The following LPA variants were observed in gnomAD, a reference collection of about 807,000 sequenced individuals.
LPA encodes the protein lipoprotein(a), also known as apolipoprotein(a).
In LPA, 199 loss-of-function variants were observed where a neutral mutation model predicts 197.9. The observed-to-expected ratio is 1.01, with a 90% confidence interval of 0.90 to 1.13. LPA has a LOEUF of 1.13. LPA is among the 50% of genes most tolerant of loss of function. The probability of loss-of-function intolerance (pLI) is 0.00; values close to 1 mark genes in which losing one functional copy is unlikely to be tolerated. For synonymous variants in LPA, 715 were observed against 639.5 expected (o/e 1.12, Z -1.78); for missense variants, 1,853 against 1,785.8 (o/e 1.04, Z -0.68).
chr6:160,537,783 A>C, intron 37 of LPA, 72 bp downstream of exon 37: 2 of 1,407,100 alleles, frequency 1.4e-6, no homozygotes, highest in South Asian at 2.4e-5. Context: ...AACTATCTCC[A>C]AAATGCTCAT....
At chr6:160,650,181 A>G (rs1779977244) in intron 2 of LPA, among the ~76,000 whole-genome samples, 157 bp downstream of exon 2, 1 of 152,186 alleles carries the variant, frequency 6.6e-6, no homozygotes, top group African/African-American at 2.4e-5. Context: ...TTTCTCTTCT[A>G]TCATACTCTT....
At chr6:160,606,416 A>T in intron 17 of LPA, 61 bp downstream of exon 17, 1 of 1,591,488 alleles carries the variant, frequency 6.3e-7, no homozygotes, top group Non-Finnish European at 8.6e-7. Context: ...ATCAGTGGGA[A>T]TTTCCATGGC....
At chr6:160,562,310 C>G (rs1047153188) in intron 28 of LPA, among the ~76,000 whole-genome samples, 3 of 152,110 alleles carry the variant, frequency 2.0e-5, no homozygotes, top group African/African-American at 7.2e-5. Context: ...GCCTTTTCTG[C>G]GTCTATTGCG....
At chr6:160,533,826 T>C (rs1264376219) in intron 37 of LPA, among the ~76,000 whole-genome samples, 1 of 152,248 alleles carries the variant, frequency 6.6e-6, no homozygotes, top group Admixed American at 6.5e-5. Context: ...GTTGTAGTTC[T>C]TCTTTTGTGA....
intron 16 of LPA, among the ~76,000 whole-genome samples, chr6:160,608,117 G>C (rs966454977): frequency 2.6e-5 from 4 of 151,988 alleles, no homozygotes; most frequent in African/African-American, 4.8e-5. Context: ...TAGAAATTTG[G>C]TCAAGAAAAT....
chr6:160,535,432 G>T (rs1330030146), intron 37 of LPA, among the ~76,000 whole-genome samples: 1 of 2,766 alleles, frequency 3.6e-4, no homozygotes, highest in Non-Finnish European at 9.1e-4. Context: ...GGTGATGGTG[G>T]TAGTAGTGGT....
intron 4 of LPA, among the ~76,000 whole-genome samples, chr6:160,643,083 A>AATTTGTGTGTGTGTGT (rs1332336973): frequency 1.1e-4 from 15 of 131,032 alleles, no homozygotes; most frequent in African/African-American, 4.2e-4. Flanking sequence ...GTGTGTTTTC[A>AATTTGTGTGTGTGTGT]GTGTGTGTGT....
intron 2 of LPA, among the ~76,000 whole-genome samples, chr6:160,647,643 A>G (rs1382399828): frequency 6.6e-6 from 1 of 152,204 alleles, no homozygotes; most frequent in Non-Finnish European, 1.5e-5. Context: ...TGATTGCTCT[A>G]GGATTTGCAA....
chr6:160,594,132 G>C lies in LPA; in HGVS notation c.3470-15C>G. ...CTCCGTTGGTGCTGAAATTCAAAGA[G>C]GAGAAATCAAGCTGAGTAATTTCTA... On this transcript the variant is annotated splice_polypyrimidine_tract_variant and intron_variant, in intron 21 of 38. Coordinates refer to ENST00000316300, the MANE Select transcript of LPA (RefSeq NM_005577.4). The C allele has an allele frequency of 6.2e-7, 1 of 1,613,670 alleles. No individual in the cohort carries two copies. The highest frequency in any genetic ancestry group is 8.5e-7 in the Non-Finnish European group (1 of 1,179,700).
At chr6:160,611,234 C>A (rs1436944021) in intron 16 of LPA, among the ~76,000 whole-genome samples, 13 of 152,116 alleles carry the variant, frequency 8.5e-5, no homozygotes, top group Admixed American at 3.9e-4. Flanking sequence ...TAACGGAATT[C>A]CAACTGGAAA....
intron 20 of LPA, among the ~76,000 whole-genome samples, chr6:160,597,787 G>T (rs1049532969): frequency 6.6e-6 from 1 of 151,984 alleles, no homozygotes; most frequent in African/African-American, 2.4e-5. Flanking sequence ...TATTTTTATT[G>T]ACTGATTATT....
chr6:160,573,065 C>G (rs41264294), intron 28 of LPA, among the ~76,000 whole-genome samples: 2,586 of 152,176 alleles, frequency 0.017, 60 homozygotes, highest in African/African-American at 0.057. Context: ...TCAGGAGCCA[C>G]GATTATTCTT....
In LPA at chr6:160,655,086, T is replaced by A. The variant is rs535490695; in HGVS notation, c.50-4589A>T. On this transcript the variant is annotated intron_variant, in intron 1 of 38. Transcript: ENST00000316300. Reference sequence around the variant, plus strand: ...CATACACACCACTTCAATTTGATGATGAAATGCCGCTGTGCTGACCCACTT... The same window carrying A: ...CATACACACCACTTCAATTTGATGAAGAAATGCCGCTGTGCTGACCCACTT... Among the ~76,000 whole-genome samples the A allele has an allele frequency of 2.0e-5, 3 of 152,342 alleles. No individual in the cohort carries two copies. In the East Asian group the frequency reaches 5.8e-4, roughly 29 times the overall value.
intron 26 of LPA, among the ~76,000 whole-genome samples, chr6:160,584,251 C>T (rs1481298346): frequency 5.0e-5 from 7 of 140,712 alleles, no homozygotes; most frequent in Non-Finnish European, 7.8e-5. Flanking sequence ...TCCTCCTCCT[C>T]CTCCTCCTCT....
intron 16 of LPA, among the ~76,000 whole-genome samples, chr6:160,610,467 A>G (rs530019277): frequency 2.0e-5 from 3 of 152,286 alleles, no homozygotes; most frequent in Non-Finnish European, 4.4e-5. Flanking sequence ...AAGAACTCCA[A>G]TAACACAGAG....
At chr6:160,597,814 A>G (rs1779162085) in intron 20 of LPA, among the ~76,000 whole-genome samples, 1 of 152,170 alleles carries the variant, frequency 6.6e-6, no homozygotes. Context: ...GTTATGGTTC[A>G]CACTAAATGC....
chr6:160,562,510 G>A (rs1778379954), intron 28 of LPA, among the ~76,000 whole-genome samples: 1 of 152,160 alleles, frequency 6.6e-6, no homozygotes, highest in African/African-American at 2.4e-5. Flanking sequence ...GTTCATCAGG[G>A]ATGTTGGCCT....
At chr6:160,600,890 A>AG (rs1244782320) in intron 19 of LPA, 27 bp downstream of exon 19, 2 of 1,610,732 alleles carry the variant, frequency 1.2e-6, no homozygotes, top group African/African-American at 2.7e-5. Flanking sequence ...GCATCCAAGC[A>AG]GGTAAATGTC....
chr6:160,657,016 C>A (rs1253101146), intron 1 of LPA, among the ~76,000 whole-genome samples: 1 of 152,200 alleles, frequency 6.6e-6, no homozygotes, highest in Non-Finnish European at 1.5e-5. Flanking sequence ...TTATGCCCAC[C>A]TTGCCTTTGA....
Sources: allele counts gnomAD v4.1 joint callset (sites outside exome capture counted in the v4.1 genomes callset), GRCh38; gene constraint gnomAD v4.1.1; transcripts MANE v1.5; gene names NCBI Gene and HGNC (gene_info 2026-07-23, HGNC 2026-07-21).